Variants in B3GLCT observed in about 807,000 individuals in gnomAD.
The protein encoded by B3GLCT is beta 3-glucosyltransferase.
In B3GLCT, 65 loss-of-function variants were observed where a neutral mutation model predicts 63.4. The observed-to-expected ratio is 1.03, with a 90% CI of 0.84 to 1.26. B3GLCT has a LOEUF of 1.26. Ranked by LOEUF, B3GLCT falls within the 50% of genes most tolerant of loss-of-function variation. The pLI, the probability that B3GLCT is intolerant of heterozygous loss-of-function variation, is 0.00. For missense variants in B3GLCT, 577 were observed against 604.8 expected, an observed-to-expected ratio of 0.95 and a Z score of 0.48; for synonymous variants, 233 against 219.2, an observed-to-expected ratio of 1.06 and a Z score of -0.55.
intron 12 of B3GLCT, among the ~76,000 whole-genome samples, chr13:31,292,087 A>T (rs983147380): frequency 6.6e-6 from 1 of 152,076 alleles, no homozygotes; most frequent in African/African-American, 2.4e-5. Context: ...GGTTTTTGTC[A>T]TTGGTTCTGT....
chr13:31,210,405 A>G (rs1328764820), intron 1 of B3GLCT, among the ~76,000 whole-genome samples: 8 of 152,242 alleles, frequency 5.3e-5, no homozygotes, highest in Non-Finnish European at 1.2e-4. Context: ...TATGAAGCAA[A>G]CAGCAAACAT....
intron 1 of B3GLCT, among the ~76,000 whole-genome samples, chr13:31,207,779 C>T (rs1005229343): frequency 6.6e-6 from 1 of 152,236 alleles, no homozygotes. Context: ...TGCATGCTTG[C>T]TGCCTCAGTG....
chr13:31,245,848 G>A (rs1338930218), intron 4 of B3GLCT, among the ~76,000 whole-genome samples: 1 of 152,078 alleles, frequency 6.6e-6, no homozygotes, highest in African/African-American at 2.4e-5. Context: ...GGAAGGCCCT[G>A]AATTATTTAT....
At chr13:31,251,734 A>C (rs575978647) in intron 6 of B3GLCT, among the ~76,000 whole-genome samples, 11 of 152,352 alleles carry the variant, frequency 7.2e-5, no homozygotes, top group African/African-American at 2.6e-4. Flanking sequence ...GACCAAATCT[A>C]CATTTGATTG....
At chr13:31,266,354 A>G (rs1872323398) in intron 7 of B3GLCT, among the ~76,000 whole-genome samples, 2 of 152,158 alleles carry the variant, frequency 1.3e-5, no homozygotes, top group Admixed American at 6.5e-5. Context: ...TAGGAAAGCT[A>G]AGTACCAAAC....
At chr13:31,309,894 C>T (rs916732693) in intron 12 of B3GLCT, among the ~76,000 whole-genome samples, 2 of 152,152 alleles carry the variant, frequency 1.3e-5, no homozygotes, top group Non-Finnish European at 2.9e-5. Flanking sequence ...GTATTTCTTC[C>T]TCTAGGTTAT....
chr13:31,312,563 A>G (rs1463185183), intron 12 of B3GLCT: 1 of 152,230 alleles, frequency 6.6e-6, no homozygotes, highest in East Asian at 1.9e-4. Context: ...GAGACCAAAG[A>G]AAGAGTAAAC....
chr13:31,259,718 G>A (rs755904165), intron 6 of B3GLCT, among the ~76,000 whole-genome samples: 4 of 151,856 alleles, frequency 2.6e-5, no homozygotes, highest in Non-Finnish European at 5.9e-5. Context: ...GCTATCTGCA[G>A]CTCCAGGAAT....
intron 2 of B3GLCT, among the ~76,000 whole-genome samples, 168 bp downstream of exon 2, chr13:31,215,268 A>G (rs1869501732): frequency 6.6e-6 from 1 of 152,224 alleles, no homozygotes; most frequent in Non-Finnish European, 1.5e-5. Context: ...TATAAGATAG[A>G]CTTGCTTTTT....
At chr13:31,327,170 T>C (rs1019889591) in intron 14 of B3GLCT, among the ~76,000 whole-genome samples, 2 of 152,222 alleles carry the variant, frequency 1.3e-5, no homozygotes, top group South Asian at 2.1e-4. Context: ...AAGTTTACTT[T>C]AGAAAGTAGG....
rs138744380 is a variant in B3GLCT, at chr13:31,310,007, A to G, written c.1065-7559A>G. Among the ~76,000 whole-genome samples the G allele has an allele frequency of 5.9e-5, 9 of 152,270 alleles. No homozygotes were observed. In the East Asian group the frequency reaches 1.2e-3, roughly 20 times the overall value. ...CACTGATAGAGGCAAGAGGCACACA[A>G]ATTCCTAGGCAGAAACGGCCAGGTC... On this transcript the variant is annotated intron_variant, in intron 12 of 14. Transcript: ENST00000343307.
chr13:31,293,492 G>T (rs1287017370), intron 12 of B3GLCT, among the ~76,000 whole-genome samples: 1 of 152,086 alleles, frequency 6.6e-6, no homozygotes, highest in African/African-American at 2.4e-5. Flanking sequence ...CTCCGGTATT[G>T]GGTGCATATA....
At chr13:31,240,234 C>A (rs117996567) in intron 4 of B3GLCT, among the ~76,000 whole-genome samples, 2,892 of 152,202 alleles carry the variant, frequency 0.019, 41 homozygotes, top group Non-Finnish European at 0.027. Flanking sequence ...TGCTTTAGAC[C>A]AAATGGAGCT....
intron 4 of B3GLCT, among the ~76,000 whole-genome samples, chr13:31,245,409 A>C (rs1462963041): frequency 6.6e-6 from 1 of 152,188 alleles, no homozygotes; most frequent in Non-Finnish European, 1.5e-5. Flanking sequence ...GCTATGTTTT[A>C]ATTGAAGGAT....
chr13:31,317,898 A>G (rs892602417), intron 13 of B3GLCT, among the ~76,000 whole-genome samples: 2 of 151,966 alleles, frequency 1.3e-5, no homozygotes, highest in Non-Finnish European at 2.9e-5. Flanking sequence ...GATATAAAAA[A>G]GTATGTCATA....
intron 12 of B3GLCT, among the ~76,000 whole-genome samples, chr13:31,315,728 G>A (rs1283175491): frequency 6.6e-6 from 1 of 152,246 alleles, no homozygotes; most frequent in Non-Finnish European, 1.5e-5. Flanking sequence ...CAAGACAATA[G>A]GGAAAATGTC....
At chr13:31,242,426 A>G (rs1871000116) in intron 4 of B3GLCT, among the ~76,000 whole-genome samples, 2 of 152,268 alleles carry the variant, frequency 1.3e-5, no homozygotes, top group African/African-American at 4.8e-5. Context: ...AGTACCTGGT[A>G]CATAGTAGTT....
chr13:31,203,069 T>C (rs1215164680), intron 1 of B3GLCT, among the ~76,000 whole-genome samples: 1 of 152,224 alleles, frequency 6.6e-6, no homozygotes, highest in East Asian at 1.9e-4. Flanking sequence ...CACATGCCTG[T>C]CTGTCACTTC....
intron 12 of B3GLCT, among the ~76,000 whole-genome samples, chr13:31,315,547 C>T (rs1874953563): frequency 2.0e-5 from 3 of 152,144 alleles, no homozygotes. Context: ...CAGTCATATT[C>T]ATTCACAGAG....
Sources: gnomAD v4.1 joint callset for allele counts (sites outside exome capture counted in the v4.1 genomes callset) on GRCh38, gnomAD v4.1.1 for gene constraint, MANE v1.5 for transcripts, NCBI Gene and HGNC (gene_info 2026-07-23, HGNC 2026-07-21) for gene names.